Variants in HIVEP2 observed in about 807,000 individuals in gnomAD.
HIVEP2 encodes the protein transcription factor HIVEP2.
In HIVEP2, 14 loss-of-function variants were observed where a neutral mutation model predicts 180.7. That is an observed-to-expected ratio of 0.08 (90% CI 0.05 to 0.12). HIVEP2 has a LOEUF of 0.12. Ranked by LOEUF, HIVEP2 falls within the 10% of genes least tolerant of loss-of-function variation. The pLI is 1.00. For synonymous variants in HIVEP2, 1,184 were observed against 1,136.4 expected, an observed-to-expected ratio of 1.04 and a Z score of -0.84; for missense variants, 2,579 against 3,008.5, an observed-to-expected ratio of 0.86 and a Z score of 3.34.
intron 1 of HIVEP2, among the ~76,000 whole-genome samples, chr6:142,900,544 G>A (rs1777110710): frequency 6.6e-6 from 1 of 152,094 alleles, no homozygotes; most frequent in Non-Finnish European, 1.5e-5. Context: ...AGCTCTCCCT[G>A]GAATAAGACT....
chr6:142,827,442 A>C (rs377364979), intron 2 of HIVEP2, among the ~76,000 whole-genome samples: 2 of 152,238 alleles, frequency 1.3e-5, no homozygotes, highest in African/African-American at 4.8e-5. Flanking sequence ...GTACGCCTGC[A>C]TATGACTGTG....
intron 3 of HIVEP2, among the ~76,000 whole-genome samples, chr6:142,781,786 A>C (rs1335215955): frequency 6.6e-6 from 1 of 152,158 alleles, no homozygotes; most frequent in African/African-American, 2.4e-5. Flanking sequence ...ACAGGGTCCC[A>C]AAGGAAAGAC....
chr6:142,825,879 CAG>C (rs1461610189), intron 2 of HIVEP2, among the ~76,000 whole-genome samples: 1 of 151,850 alleles, frequency 6.6e-6, no homozygotes, highest in African/African-American at 2.4e-5. Context: ...ATTTTTTCAG[CAG>C]ACTTTCAACA....
At chr6:142,793,206 A>G (rs1372326329) in intron 2 of HIVEP2, among the ~76,000 whole-genome samples, 1 of 152,170 alleles carries the variant, frequency 6.6e-6, no homozygotes, top group Non-Finnish European at 1.5e-5. Flanking sequence ...ACTATAAGCT[A>G]TTATGTATGA....
At position 142,770,120 on chromosome 6, in the gene HIVEP2, C is replaced by T; in HGVS notation, c.4619G>A (p.Ser1540Asn). The change falls in exon 5 of 10, where the codon AGC becomes AAC. Residue 1540 changes from serine (S) to asparagine (N), a missense_variant. By Grantham distance (46) the Ser-to-Asn change is conservative. Around this residue, in one of 11 missense-constraint regions of HIVEP2, gnomAD observed 349 missense variants for 367.2 expected, o/e 0.95. Transcript: ENST00000367603. This position sits in a 1 kb window ranked among gnomAD's most constrained non-coding sequence, Gnocchi z 4.7. Reference sequence around the variant, plus strand: ...CCGGGAACCGGAAAGCATCTCCTTGCTGGGCAGGAATGGCTCCCTGGAAGA... The same window carrying T: ...CCGGGAACCGGAAAGCATCTCCTTGTTGGGCAGGAATGGCTCCCTGGAAGA... ...SPSSREPFLP[S>N]KEMLSGSRAP... 4 of 1,614,220 alleles carry T rather than the reference C, an allele frequency of 2.5e-6. No individual in the cohort carries two copies. Among genetic ancestry groups the T allele is most frequent in the Non-Finnish European group, 1.7e-6 (2 of 1,180,040 alleles).
chr6:142,869,582 C>T (rs996364412), intron 1 of HIVEP2, among the ~76,000 whole-genome samples: 7 of 152,094 alleles, frequency 4.6e-5, no homozygotes, highest in African/African-American at 7.2e-5. Context: ...CACTTTCCCA[C>T]GTCTTAACTC....
chr6:142,944,596 G>C (rs1055297519), intron 1 of HIVEP2, among the ~76,000 whole-genome samples: 1 of 152,178 alleles, frequency 6.6e-6, no homozygotes. Flanking sequence ...CAGTGCCGCC[G>C]CGGCAGAGAG....
chr6:142,874,469 C>T (rs1262883413), intron 1 of HIVEP2, among the ~76,000 whole-genome samples: 2 of 152,072 alleles, frequency 1.3e-5, no homozygotes, highest in Non-Finnish European at 2.9e-5. Context: ...TTTCGGTAGA[C>T]AGCACACCCT....
chr6:142,931,801 T>A (rs1777947731), intron 1 of HIVEP2, among the ~76,000 whole-genome samples: 1 of 152,178 alleles, frequency 6.6e-6, no homozygotes, highest in Non-Finnish European at 1.5e-5. Context: ...GGGACCAAAT[T>A]CTCAATGGGG....
intron 1 of HIVEP2, among the ~76,000 whole-genome samples, chr6:142,919,163 A>G (rs761047181): frequency 1.3e-5 from 2 of 152,188 alleles, no homozygotes; most frequent in Non-Finnish European, 2.9e-5. Flanking sequence ...CAAAAACACA[A>G]GCAGAAAGAA....
chr6:142,777,828 T>G (rs1003319819), intron 3 of HIVEP2, among the ~76,000 whole-genome samples: 4 of 152,222 alleles, frequency 2.6e-5, no homozygotes, highest in African/African-American at 7.2e-5. Flanking sequence ...TTAATAATTT[T>G]TTAAAATGCT....
rs529428349 is a variant in HIVEP2, at chr6:142,801,042, G to A, written c.-527-17427C>T. ...ACTATATAGTGTGGGGAACATAATG[G>A]ACTGAGCCTGCACAAGGAAAAGAGG... On this transcript the variant is annotated intron_variant, in intron 2 of 9. Coordinates refer to ENST00000367603, the MANE Select transcript of HIVEP2 (RefSeq NM_006734.4). Among the ~76,000 whole-genome samples the A allele has an allele frequency of 5.3e-5, 8 of 152,018 alleles. No homozygotes were observed. The South Asian group carries it at 1.7e-3, about 32-fold the overall frequency.
intron 2 of HIVEP2, among the ~76,000 whole-genome samples, chr6:142,793,109 T>C (rs1222916940): frequency 6.6e-6 from 1 of 152,194 alleles, no homozygotes; most frequent in Non-Finnish European, 1.5e-5. Flanking sequence ...CCAAACTTTT[T>C]TCTGAGTCAA....
intron 2 of HIVEP2, among the ~76,000 whole-genome samples, chr6:142,820,485 A>G (rs1187868378): frequency 6.6e-6 from 1 of 152,166 alleles, no homozygotes; most frequent in Non-Finnish European, 1.5e-5. Context: ...AGGAGACCCC[A>G]TGAAGTTTGG....
intron 2 of HIVEP2, among the ~76,000 whole-genome samples, chr6:142,793,622 C>CTCTTTCTTTTTCTTTCTT (rs1776194040): frequency 2.0e-5 from 1 of 50,298 alleles, no homozygotes; most frequent in East Asian, 3.5e-4. Context: ...ATCCTTCCTT[C>CTCTTTCTTTTTCTTTCTT]TCTTTCTTTC....
At chr6:142,825,447 T>A (rs193051160) in intron 2 of HIVEP2, among the ~76,000 whole-genome samples, 9 of 152,274 alleles carry the variant, frequency 5.9e-5, no homozygotes, top group African/African-American at 1.4e-4. Flanking sequence ...CCAATGACCT[T>A]TCCAGTTAAT....
chr6:142,760,597 G>A lies in HIVEP2; in HGVS notation c.5691C>T (p.Phe1897=). ...SMSSISTDHQ[F]SDAEESDGED... ...CACCATCTGATTCCTCAGCATCGGA[G>A]AACTGATGATCAGTTGAAATGCTGG... The change falls in exon 9 of 10, where the codon TTC becomes TTT. Residue 1897 remains phenylalanine (F), a synonymous_variant. Transcript: ENST00000367603. The A allele has an allele frequency of 6.2e-7, 1 of 1,612,822 alleles. No individual in the cohort carries two copies. Among genetic ancestry groups the A allele is most frequent in the African/African-American group, 1.3e-5 (1 of 74,980 alleles).
At chr6:142,791,257 C>A (rs890867396) in intron 2 of HIVEP2, among the ~76,000 whole-genome samples, 1 of 152,092 alleles carries the variant, frequency 6.6e-6, no homozygotes, top group African/African-American at 2.4e-5. Flanking sequence ...CAGCAAATAA[C>A]CTGAACATCA....
At chr6:142,871,385 T>G (rs773630763) in intron 1 of HIVEP2, among the ~76,000 whole-genome samples, 2 of 151,962 alleles carry the variant, frequency 1.3e-5, no homozygotes, top group Non-Finnish European at 2.9e-5. Context: ...GGTTCTTGCT[T>G]ATTCATTCTA....
Sources: allele counts gnomAD v4.1 joint callset (sites outside exome capture counted in the v4.1 genomes callset), GRCh38; gene constraint gnomAD v4.1.1; regional missense constraint gnomAD v4.1.1; non-coding constraint Gnocchi (gnomAD v3.1); transcripts MANE v1.5; gene names NCBI Gene and HGNC (gene_info 2026-07-23, HGNC 2026-07-21).